Variants in CDH10 observed in about 807,000 individuals in gnomAD.
CDH10 encodes cadherin 10, also known as cadherin-10.
In CDH10, 30 loss-of-function variants were observed where a neutral mutation model predicts 73.1. The observed-to-expected ratio is 0.41, with a 90% CI of 0.31 to 0.56. CDH10 has a LOEUF of 0.56. CDH10 is among the 20% of genes least tolerant of loss of function. The probability of loss-of-function intolerance (pLI) is 0.27; values close to 1 mark genes in which losing one functional copy is unlikely to be tolerated. For synonymous variants in CDH10, 345 were observed against 348.2 expected, an observed-to-expected ratio of 0.99 and a Z score of 0.10; for missense variants, 815 against 973.7, an observed-to-expected ratio of 0.84 and a Z score of 2.17.
intron 8 of CDH10, among the ~76,000 whole-genome samples, chr5:24,504,183 C>T (rs2111717892): frequency 6.6e-6 from 1 of 152,176 alleles, no homozygotes; most frequent in South Asian, 2.1e-4. Flanking sequence ...GAAGGGTGCT[C>T]TGCTCCTCCC....
intron 2 of CDH10, among the ~76,000 whole-genome samples, chr5:24,576,079 G>A (rs944918095): frequency 5.9e-5 from 9 of 151,990 alleles, no homozygotes; most frequent in Admixed American, 3.9e-4. Flanking sequence ...ACATTTTTAT[G>A]TATTTTTATA....
intron 2 of CDH10, among the ~76,000 whole-genome samples, chr5:24,571,924 C>T (rs1206805390): frequency 6.6e-6 from 1 of 151,592 alleles, no homozygotes; most frequent in Non-Finnish European, 1.5e-5. Context: ...AGCTCCAGCA[C>T]ACCACACCAT....
chr5:24,570,152 T>C (rs978696005), intron 2 of CDH10, among the ~76,000 whole-genome samples: 1 of 152,292 alleles, frequency 6.6e-6, no homozygotes, highest in Admixed American at 6.5e-5. Context: ...CTTAGAGATA[T>C]TAATTTGTAG....
intron 5 of CDH10, among the ~76,000 whole-genome samples, chr5:24,533,666 C>T (rs985374046): frequency 3.3e-5 from 5 of 152,004 alleles, no homozygotes; most frequent in Non-Finnish European, 7.4e-5. Context: ...GTAAAAGGCT[C>T]GAGCTAAGAG....
intron 2 of CDH10, among the ~76,000 whole-genome samples, chr5:24,579,977 A>C (rs1207329807): frequency 1.3e-5 from 2 of 152,062 alleles, no homozygotes; most frequent in Non-Finnish European, 2.9e-5. Flanking sequence ...TTTTCTCCCT[A>C]ATGCTCTATC....
At chr5:24,551,593 C>G (rs987721102) in intron 2 of CDH10, among the ~76,000 whole-genome samples, 1 of 152,082 alleles carries the variant, frequency 6.6e-6, no homozygotes, top group Non-Finnish European at 1.5e-5. Flanking sequence ...ATTTTTAAAG[C>G]TTTTCTTTTG....
chr5:24,615,429 T>C (rs1213173573), intron 1 of CDH10, among the ~76,000 whole-genome samples: 1 of 152,202 alleles, frequency 6.6e-6, no homozygotes, highest in Non-Finnish European at 1.5e-5. Context: ...TAACTGTTAA[T>C]CATCTGTCAC....
At position 24,573,814 on chromosome 5, in the gene CDH10, T is replaced by C. The variant is rs190001127; in HGVS notation, c.231+19446A>G. 5.8e-3 allele frequency among the ~76,000 whole-genome samples: 857 copies of C among 148,398 alleles called. 4 individuals are homozygous for C. The highest frequency in any genetic ancestry group is 9.2e-3 in the Non-Finnish European group (622 of 67,314). On this transcript the variant is annotated intron_variant, in intron 2 of 11. Transcript: ENST00000264463. ...TATATTCATATATTTACTTAATTTT[T>C]ATCGCATTAAATATTTATAACCATT...
At chr5:24,604,358 T>C (rs1746676962) in intron 1 of CDH10, among the ~76,000 whole-genome samples, 2 of 151,526 alleles carry the variant, frequency 1.3e-5, no homozygotes, top group Non-Finnish European at 2.9e-5. Flanking sequence ...AAAAATACAA[T>C]ACAATAAAAA....
intron 2 of CDH10, among the ~76,000 whole-genome samples, chr5:24,559,789 T>A (rs1321434825): frequency 1.3e-5 from 2 of 152,098 alleles, no homozygotes; most frequent in Admixed American, 1.3e-4. Context: ...AAAATTACTA[T>A]CAAAAATGCG....
intron 2 of CDH10, among the ~76,000 whole-genome samples, chr5:24,571,732 A>G (rs1314548890): frequency 2.0e-5 from 3 of 152,168 alleles, no homozygotes; most frequent in Non-Finnish European, 4.4e-5. Context: ...CTATGTATCA[A>G]TGAGCTGGCA....
chr5:24,494,594 T>G (rs1435174698), intron 9 of CDH10, among the ~76,000 whole-genome samples: 3 of 152,002 alleles, frequency 2.0e-5, no homozygotes, highest in African/African-American at 7.2e-5. Context: ...CAACTGTATA[T>G]TTTCCCTTAA....
rs771079378 is a variant in CDH10, at chr5:24,491,834, C to A, written c.1625-7G>T. 3.2e-6 allele frequency: 5 copies of A among 1,569,256 alleles called. No homozygotes were observed. Among genetic ancestry groups the A allele is most frequent in the Non-Finnish European group, 4.4e-6 (5 of 1,143,672 alleles). ...AAGATTCTGGCAGTATTATCTAAAA[C>A]AAATTTTAAAATATTACAAATGGTT... On this transcript the variant is annotated splice_region_variant and splice_polypyrimidine_tract_variant and intron_variant, in intron 10 of 11. Transcript: ENST00000264463.
chr5:24,504,517 T>TTTTTTG (rs1742617127), intron 8 of CDH10, among the ~76,000 whole-genome samples: 1 of 33,770 alleles, frequency 3.0e-5, no homozygotes, highest in Non-Finnish European at 7.7e-5. Flanking sequence ...TTTTTTTTTT[T>TTTTTTG]TTTTTTTTTT....
intron 1 of CDH10, chr5:24,611,895 A>G (rs1746962410): frequency 6.6e-6 from 1 of 152,196 alleles, no homozygotes; most frequent in South Asian, 2.1e-4. Flanking sequence ...CTGAAGGCCA[A>G]TAGCCATCAA....
intron 1 of CDH10, among the ~76,000 whole-genome samples, chr5:24,604,475 T>C (rs899516759): frequency 6.6e-6 from 1 of 152,194 alleles, no homozygotes; most frequent in Non-Finnish European, 1.5e-5. Flanking sequence ...TTCTTTGAGA[T>C]GATACCTAAA....
At chr5:24,560,729 T>C (rs1561163790) in intron 2 of CDH10, among the ~76,000 whole-genome samples, 1 of 152,106 alleles carries the variant, frequency 6.6e-6, no homozygotes, top group African/African-American at 2.4e-5. Context: ...CTTTTCTCTA[T>C]AAATGGTTGT....
chr5:24,516,464 T>C (rs754644279), intron 5 of CDH10, among the ~76,000 whole-genome samples: 5 of 126,680 alleles, frequency 3.9e-5, no homozygotes, highest in African/African-American at 1.4e-4. Flanking sequence ...CATTTACTAA[T>C]AGTGATTTTC....
intron 9 of CDH10, among the ~76,000 whole-genome samples, chr5:24,496,358 C>A: frequency 6.6e-6 from 1 of 152,094 alleles, no homozygotes; most frequent in Non-Finnish European, 1.5e-5. Flanking sequence ...GAATGAAAAA[C>A]AAAAACAGCT....
Sources: allele counts gnomAD v4.1 joint callset (sites outside exome capture counted in the v4.1 genomes callset), GRCh38; gene constraint gnomAD v4.1.1; transcripts MANE v1.5; gene names NCBI Gene and HGNC (gene_info 2026-07-23, HGNC 2026-07-21).